Variants in DLG2 observed in about 807,000 individuals in gnomAD.
DLG2 encodes disks large homolog 2.
DLG2 carries 45 observed loss-of-function variants against 132.5 expected under a neutral mutation model. The observed-to-expected ratio is 0.34, with a 90% CI of 0.27 to 0.44. The LOEUF (loss-of-function observed/expected upper bound fraction) is 0.44, where lower values mean the gene tolerates loss of function less well. Ranked by LOEUF, DLG2 falls within the 20% of genes least tolerant of loss-of-function variation. The pLI is 1.00. For missense variants in DLG2, 1,045 were observed against 1,196.9 expected (o/e 0.87, Z 1.87); for synonymous variants, 424 against 419.6 (o/e 1.01, Z -0.13).
chr11:85,584,282 T>G (rs899032595), intron 3 of DLG2, among the ~76,000 whole-genome samples: 2 of 152,032 alleles, frequency 1.3e-5, no homozygotes, highest in Admixed American at 6.6e-5. Flanking sequence ...TCCAACCCCA[T>G]CCAGGTTACT....
At chr11:84,320,158 A>T (rs1227024045) in intron 7 of DLG2, among the ~76,000 whole-genome samples, 1 of 152,216 alleles carries the variant, frequency 6.6e-6, no homozygotes, top group Non-Finnish European at 1.5e-5. Context: ...ACATGGGCAG[A>T]TGGTGCACAG....
intron 3 of DLG2, among the ~76,000 whole-genome samples, chr11:85,333,324 T>C (rs1180299359): frequency 2.0e-5 from 3 of 152,190 alleles, no homozygotes; most frequent in Non-Finnish European, 4.4e-5. Flanking sequence ...TGTTTATCAG[T>C]TCTAGGATCT....
At chr11:83,606,370 T>G (rs2059333265) in intron 19 of DLG2, among the ~76,000 whole-genome samples, 1 of 152,160 alleles carries the variant, frequency 6.6e-6, no homozygotes, top group Non-Finnish European at 1.5e-5. Context: ...CCGTAGGCAT[T>G]TATTGTTTTA....
intron 3 of DLG2, among the ~76,000 whole-genome samples, chr11:85,402,609 A>G (rs961306528): frequency 3.9e-5 from 6 of 152,190 alleles, no homozygotes; most frequent in Non-Finnish European, 8.8e-5. Flanking sequence ...AAGGGCTAAT[A>G]TCCAGAATCT....
chr11:85,077,432 T>C (rs2066689949), intron 6 of DLG2, among the ~76,000 whole-genome samples: 1 of 151,768 alleles, frequency 6.6e-6, no homozygotes, highest in East Asian at 2.0e-4. Flanking sequence ...GCTAGTGGAG[T>C]TGTTTGGCAA....
At chr11:84,204,121 C>G (rs1012492712) in intron 8 of DLG2, among the ~76,000 whole-genome samples, 4 of 152,018 alleles carry the variant, frequency 2.6e-5, no homozygotes, top group Non-Finnish European at 5.9e-5. Context: ...CCATGCCCGG[C>G]TAATTTTGTA....
intron 4 of DLG2, among the ~76,000 whole-genome samples, chr11:85,193,237 T>G (rs1029456696): frequency 6.6e-6 from 1 of 152,216 alleles, no homozygotes; most frequent in African/African-American, 2.4e-5. Context: ...TGTTTTAGCA[T>G]GTATCAGCAG....
intron 7 of DLG2, among the ~76,000 whole-genome samples, chr11:84,404,893 C>A (rs968298900): frequency 1.1e-4 from 17 of 152,074 alleles, no homozygotes; most frequent in Non-Finnish European, 2.9e-5. Flanking sequence ...GGAAAAATAA[C>A]CTAATGTCAC....
intron 6 of DLG2, among the ~76,000 whole-genome samples, chr11:84,672,412 G>A (rs961618812): frequency 6.6e-6 from 1 of 152,074 alleles, no homozygotes; most frequent in African/African-American, 2.4e-5. Context: ...CGATCTGGTA[G>A]ATAAATTTAA....
intron 18 of DLG2, among the ~76,000 whole-genome samples, chr11:83,672,272 C>T (rs2076958954): frequency 6.6e-6 from 1 of 152,086 alleles, no homozygotes; most frequent in African/African-American, 2.4e-5. Context: ...GCAACCTCTG[C>T]CTCCCGGGTT....
chr11:85,505,804 CT>C (rs1265071595), intron 3 of DLG2, among the ~76,000 whole-genome samples: 1 of 152,166 alleles, frequency 6.6e-6, no homozygotes, highest in African/African-American at 2.4e-5. Context: ...GTACTAGCTC[CT>C]CCTTGTACCT....
chr11:84,946,224 C>T (rs1234301607), intron 6 of DLG2, among the ~76,000 whole-genome samples: 2 of 152,130 alleles, frequency 1.3e-5, no homozygotes, highest in South Asian at 2.1e-4. Context: ...CAAGCTGGTA[C>T]CCAAGCTGCA....
chr11:84,229,486 G>A (rs534771096), intron 8 of DLG2, among the ~76,000 whole-genome samples: 47 of 152,308 alleles, frequency 3.1e-4, no homozygotes, highest in African/African-American at 9.1e-4. Flanking sequence ...TTGATGTAGC[G>A]TTGTGATATA....
chr11:85,457,178 CTTT>C (rs980801645), intron 3 of DLG2, among the ~76,000 whole-genome samples: 20 of 68,484 alleles, frequency 2.9e-4, no homozygotes, highest in African/African-American at 1.2e-3. Flanking sequence ...TAATGCCCTT[CTTT>C]GTCTTTTTTT....
intron 4 of DLG2, among the ~76,000 whole-genome samples, chr11:85,219,619 T>A (rs2082876767): frequency 6.6e-6 from 1 of 151,358 alleles, no homozygotes. Context: ...ATCACTCTAA[T>A]CTCTGACACT....
chr11:85,105,875 T>C (rs752680594), intron 6 of DLG2, among the ~76,000 whole-genome samples: 1 of 151,840 alleles, frequency 6.6e-6, no homozygotes, highest in Non-Finnish European at 1.5e-5. Context: ...AACACTATTT[T>C]ATAACTGGGT....
chr11:83,866,765 T>C (rs1261944969), intron 16 of DLG2, among the ~76,000 whole-genome samples: 1 of 152,006 alleles, frequency 6.6e-6, no homozygotes, highest in Non-Finnish European at 1.5e-5. Flanking sequence ...AAAATAAACA[T>C]CTCTAACTTC....
At chr11:83,769,263 A>G (rs891483649) in intron 18 of DLG2, among the ~76,000 whole-genome samples, 5 of 152,160 alleles carry the variant, frequency 3.3e-5, no homozygotes, top group Non-Finnish European at 4.4e-5. Context: ...TCTCCACATG[A>G]ACCTACCCAT....
chr11:83,753,629 A>T (rs1293267239), intron 18 of DLG2, among the ~76,000 whole-genome samples: 4 of 140,496 alleles, frequency 2.8e-5, no homozygotes, highest in Admixed American at 7.0e-5. Context: ...TATATATATA[A>T]AATTGATATA....
Sources: gnomAD v4.1 joint callset for allele counts (sites outside exome capture counted in the v4.1 genomes callset) on GRCh38, gnomAD v4.1.1 for gene constraint, MANE v1.5 for transcripts, NCBI Gene and HGNC (gene_info 2026-07-23, HGNC 2026-07-21) for gene names.